Variants in RASEF observed in about 807,000 individuals in gnomAD.
RASEF encodes the protein ras and EF-hand domain-containing protein.
Under a neutral mutation model 90.1 loss-of-function variants are expected in RASEF, and 68 were observed. That is an observed-to-expected ratio of 0.75 (90% CI 0.62 to 0.92). The LOEUF (loss-of-function observed/expected upper bound fraction) is 0.92, where lower values mean the gene tolerates loss of function less well. Ranked by LOEUF, RASEF falls within the 40% of genes least tolerant of loss-of-function variation. The pLI is 0.00. For missense variants in RASEF, 949 were observed against 937.2 expected (o/e 1.01, Z -0.16); for synonymous variants, 331 against 345.2 (o/e 0.96, Z 0.46).
the RASEF span, among the ~76,000 whole-genome samples, chr9:83,096,887 GT>G: frequency 6.6e-6 from 1 of 151,704 alleles, no homozygotes; most frequent in African/African-American, 2.4e-5. Flanking sequence ...GCAGTGTTTG[GT>G]TTTTTGTCCT....
At chr9:83,099,279 A>G in the RASEF span, among the ~76,000 whole-genome samples, 1 of 152,202 alleles carries the variant, frequency 6.6e-6, no homozygotes, top group Non-Finnish European at 1.5e-5. Flanking sequence ...AAAAAATCTC[A>G]AGGGCAAAGT....
At chr9:83,158,750 G>GTATATATTTATGTACATATA in the RASEF span, among the ~76,000 whole-genome samples, 18 of 144,712 alleles carry the variant, frequency 1.2e-4, no homozygotes, top group African/African-American at 2.8e-4. Context: ...ATACATATAT[G>GTATATATTTATGTACATATA]CATATATGTA....
the RASEF span, among the ~76,000 whole-genome samples, chr9:83,175,073 G>A: frequency 6.6e-6 from 1 of 152,082 alleles, no homozygotes; most frequent in African/African-American, 2.4e-5. Flanking sequence ...CATGAATAGA[G>A]ATAGTTTTAA....
At chr9:82,991,059 G>A (rs1828804139) in intron 15 of RASEF, among the ~76,000 whole-genome samples, 1 of 152,106 alleles carries the variant, frequency 6.6e-6, no homozygotes, top group South Asian at 2.1e-4. Context: ...TGGCCAATGA[G>A]GCCCAGCTTC....
rs746846037 is a variant in RASEF, at chr9:82,990,393, A to G, written c.2115T>C (p.Ala705=). ...SNIVEAVLHL[A]REVKKRTDKD... Reference sequence around the variant, plus strand: ...ACATCCATTTTCCCAAACTTTACCGAGCAAGGTGCAGAACAGCCTCCACTA... The same window carrying G: ...ACATCCATTTTCCCAAACTTTACCGGGCAAGGTGCAGAACAGCCTCCACTA... The change falls in exon 16 of 17, where the codon GCT becomes GCC. Residue 705 remains alanine (A), a splice_region_variant and synonymous_variant. Coordinates refer to ENST00000376447, the MANE Select transcript of RASEF (RefSeq NM_152573.4). The G allele has an allele frequency of 1.2e-6, 2 of 1,612,490 alleles. No homozygotes were observed. Among genetic ancestry groups the G allele is most frequent in the Non-Finnish European group, 1.7e-6 (2 of 1,178,732 alleles).
chr9:82,992,809 A>C, intron 15 of RASEF, 97 bp downstream of exon 15: 1 of 1,305,374 alleles, frequency 7.7e-7, no homozygotes, highest in South Asian at 1.4e-5. Flanking sequence ...TTGTCAAAGG[A>C]CCTCTCAAGC....
At chr9:83,043,223 G>A (rs1347272743) in intron 1 of RASEF, among the ~76,000 whole-genome samples, 1 of 152,196 alleles carries the variant, frequency 6.6e-6, no homozygotes, top group East Asian at 1.9e-4. Context: ...ATCAATTGCG[G>A]TATTTTCACA....
At chr9:83,152,767 A>T in the RASEF span, among the ~76,000 whole-genome samples, 1 of 151,944 alleles carries the variant, frequency 6.6e-6, no homozygotes, top group East Asian at 1.9e-4. Context: ...CACTCAGGAA[A>T]CTATAACTGA....
chr9:83,138,087 G>T, the RASEF span, among the ~76,000 whole-genome samples: 1 of 151,790 alleles, frequency 6.6e-6, no homozygotes, highest in South Asian at 2.1e-4. Flanking sequence ...CAAGTCTACA[G>T]AATTGACATT....
the RASEF span, among the ~76,000 whole-genome samples, chr9:83,118,180 A>G: frequency 6.6e-6 from 1 of 152,168 alleles, no homozygotes; most frequent in Admixed American, 6.6e-5. Context: ...TAACATTATT[A>G]CCTGGTTCCG....
At chr9:83,014,910 A>T (rs1473165160) in intron 4 of RASEF, among the ~76,000 whole-genome samples, 1 of 152,226 alleles carries the variant, frequency 6.6e-6, no homozygotes, top group Non-Finnish European at 1.5e-5. Context: ...AACAACTGCC[A>T]GAGTATTACT....
chr9:83,181,175 A>G, the RASEF span, among the ~76,000 whole-genome samples: 2 of 150,436 alleles, frequency 1.3e-5, no homozygotes, highest in African/African-American at 4.9e-5. Flanking sequence ...GAATGGGGAA[A>G]GCCTGATCTT....
chr9:83,009,480 A>G (rs1003913226), intron 6 of RASEF, among the ~76,000 whole-genome samples, 161 bp downstream of exon 6: 2 of 152,218 alleles, frequency 1.3e-5, no homozygotes, highest in African/African-American at 4.8e-5. Context: ...AAAAACATAA[A>G]AAACACTAGG....
At chr9:83,144,391 G>GGAAGGAAGGAAAGAAAGAAAGAAAGAAA in the RASEF span, among the ~76,000 whole-genome samples, 7 of 33,242 alleles carry the variant, frequency 2.1e-4, 1 homozygote, top group Non-Finnish European at 4.3e-4. Context: ...AAGAAAGAAA[G>GGAAGGAAGGAAAGAAAGAAAGAAAGAAA]GAAAGAAAGA....
chr9:83,131,632 T>A, the RASEF span, among the ~76,000 whole-genome samples: 2 of 152,308 alleles, frequency 1.3e-5, no homozygotes, highest in East Asian at 1.9e-4. Context: ...GTGGATCACT[T>A]CTAAATCTCT....
At chr9:83,091,923 G>A in the RASEF span, among the ~76,000 whole-genome samples, 1 of 145,730 alleles carries the variant, frequency 6.9e-6, no homozygotes, top group Non-Finnish European at 1.5e-5. Context: ...ACTAGAGTAA[G>A]TTAAAACAAT....
At chr9:83,012,870 T>C (rs1430381886) in intron 4 of RASEF, among the ~76,000 whole-genome samples, 1 of 152,236 alleles carries the variant, frequency 6.6e-6, no homozygotes, top group African/African-American at 2.4e-5. Flanking sequence ...TTTAACACTT[T>C]CCATTCTGTA....
At chr9:83,113,368 T>C in the RASEF span, among the ~76,000 whole-genome samples, 1 of 152,150 alleles carries the variant, frequency 6.6e-6, no homozygotes, top group Non-Finnish European at 1.5e-5. Context: ...AGGACCACTA[T>C]TGCACAAATT....
chr9:83,170,022 G>T, the RASEF span, among the ~76,000 whole-genome samples: 1 of 151,840 alleles, frequency 6.6e-6, no homozygotes, highest in Non-Finnish European at 1.5e-5. Context: ...TCCTGAAATG[G>T]TTCCCCAATA....
Sources: gnomAD v4.1 joint callset for allele counts (sites outside exome capture counted in the v4.1 genomes callset) on GRCh38, gnomAD v4.1.1 for gene constraint, MANE v1.5 for transcripts, NCBI Gene and HGNC (gene_info 2026-07-23, HGNC 2026-07-21) for gene names.